The following PLCL2 variants were observed in gnomAD, a reference collection of about 807,000 sequenced individuals.
PLCL2 encodes phospholipase C like 2, also known as inactive phospholipase C-like protein 2.
PLCL2 carries 4 observed loss-of-function variants against 79.6 expected under a neutral mutation model. That is an observed-to-expected ratio of 0.05 (90% confidence interval 0.02 to 0.11). PLCL2 has a LOEUF of 0.11. PLCL2 is among the 10% of genes least tolerant of loss of function. The pLI, the probability that PLCL2 is intolerant of heterozygous loss-of-function variation, is 1.00. For missense variants in PLCL2, 895 were observed against 1,291.0 expected (o/e 0.69, Z 4.70); for synonymous variants, 484 against 457.7 (o/e 1.06, Z -0.73).
At chr3:17,048,982 A>G (rs1172183443) in intron 4 of PLCL2, among the ~76,000 whole-genome samples, 1 of 152,162 alleles carries the variant, frequency 6.6e-6, no homozygotes, top group Non-Finnish European at 1.5e-5. Context: ...GTTGACTGCT[A>G]TTTCAGGATA....
chr3:17,044,442 T>C (rs778761659), intron 4 of PLCL2, among the ~76,000 whole-genome samples: 10 of 152,250 alleles, frequency 6.6e-5, no homozygotes, highest in Non-Finnish European at 1.5e-4. Flanking sequence ...CCAGGATTTA[T>C]GTTACCTAAA....
chr3:16,914,353 T>A (rs1411676765), intron 1 of PLCL2, among the ~76,000 whole-genome samples: 2 of 152,238 alleles, frequency 1.3e-5, no homozygotes, highest in African/African-American at 2.4e-5. Context: ...TAATATGATC[T>A]AAGAGAAAGA....
chr3:16,894,248 C>T (rs1463984565), intron 1 of PLCL2, among the ~76,000 whole-genome samples: 6 of 152,040 alleles, frequency 3.9e-5, no homozygotes, highest in Non-Finnish European at 7.4e-5. Context: ...TCAATCCATG[C>T]TAATATATTA....
intron 4 of PLCL2, among the ~76,000 whole-genome samples, chr3:17,058,809 C>T (rs2064916979): frequency 6.6e-6 from 1 of 152,076 alleles, no homozygotes; most frequent in Non-Finnish European, 1.5e-5. Context: ...GAGGAGAACA[C>T]TGATCTTCTG....
chr3:16,942,375 A>G (rs1266049493), intron 1 of PLCL2, among the ~76,000 whole-genome samples: 1 of 152,184 alleles, frequency 6.6e-6, no homozygotes, highest in Non-Finnish European at 1.5e-5. Context: ...AGGATGGTGG[A>G]GGAAGGAAAG....
chr3:16,950,565 T>A (rs1320956294), intron 1 of PLCL2, among the ~76,000 whole-genome samples: 1 of 151,988 alleles, frequency 6.6e-6, no homozygotes, highest in Non-Finnish European at 1.5e-5. Context: ...AATATTTGTT[T>A]TATTTTGCTT....
At position 17,067,947 on chromosome 3, in the gene PLCL2, T is replaced by G; in HGVS notation, c.3095-9T>G. The G allele has an allele frequency of 6.5e-7, 1 of 1,544,530 alleles. No homozygotes were observed. ...AGTTAATATACTTTGTCTTTTTTAT[T>G]TCTTTCAGCCATGGAATTCCATGAA... On this transcript the variant is annotated splice_polypyrimidine_tract_variant and intron_variant, in intron 4 of 5. Coordinates refer to ENST00000615277, the MANE Select transcript of PLCL2 (RefSeq NM_001144382.2).
chr3:17,073,257 C>A (rs559881934), intron 5 of PLCL2, among the ~76,000 whole-genome samples: 2 of 152,178 alleles, frequency 1.3e-5, no homozygotes, highest in Non-Finnish European at 2.9e-5. Flanking sequence ...AAGTGAGTCA[C>A]ATGATTTTTT....
At chr3:17,067,920 G>A (rs1346743196) in intron 4 of PLCL2, 36 bp from the exon 5 acceptor site, 2 of 1,139,722 alleles carry the variant, frequency 1.8e-6, no homozygotes, top group South Asian at 2.7e-5. Context: ...AGATTGGATG[G>A]GAGTTAATAT....
intron 4 of PLCL2, among the ~76,000 whole-genome samples, chr3:17,061,877 A>G (rs547465859): frequency 3.5e-4 from 54 of 152,292 alleles, no homozygotes; most frequent in African/African-American, 1.3e-3. Context: ...CCAGAACTGA[A>G]TTAAACTCTC....
At chr3:17,048,554 C>T (rs1327854400) in intron 4 of PLCL2, among the ~76,000 whole-genome samples, 1 of 152,100 alleles carries the variant, frequency 6.6e-6, no homozygotes, top group Non-Finnish European at 1.5e-5. Context: ...CCATACATGA[C>T]GTCTTTCACA....
chr3:17,062,889 T>C (rs2064966083), intron 4 of PLCL2, among the ~76,000 whole-genome samples: 1 of 152,086 alleles, frequency 6.6e-6, no homozygotes, highest in Non-Finnish European at 1.5e-5. Context: ...CTTGTCACTA[T>C]CCCTAAGCAG....
At chr3:17,056,090 T>G (rs1253186741) in intron 4 of PLCL2, among the ~76,000 whole-genome samples, 1 of 152,140 alleles carries the variant, frequency 6.6e-6, no homozygotes, top group Non-Finnish European at 1.5e-5. Context: ...AAGCATCCCC[T>G]TGTATTTAAA....
In PLCL2 at chr3:17,012,234, G is replaced by T; in HGVS notation, c.2814+74G>T. ...CATGTCCATAGTTTATAAATATATTGGTTTTTTAATAATAGTATATTTAAG... is the reference window on the plus strand; with the variant it reads ...CATGTCCATAGTTTATAAATATATTTGTTTTTTAATAATAGTATATTTAAG... On this transcript the variant is annotated intron_variant, in intron 2 of 5. Coordinates refer to ENST00000615277, the MANE Select transcript of PLCL2 (RefSeq NM_001144382.2). The T allele has an allele frequency of 5.3e-6, 7 of 1,314,400 alleles. No individual in the cohort carries two copies. In the Admixed American group the frequency reaches 8.1e-5, roughly 15 times the overall value. 81.4% of individuals were successfully genotyped at this position (1,314,400 alleles called of 1,614,324 possible).
chr3:16,930,993 G>A (rs1463132099), intron 1 of PLCL2, among the ~76,000 whole-genome samples: 3 of 151,964 alleles, frequency 2.0e-5, no homozygotes, highest in African/African-American at 7.3e-5. Flanking sequence ...AGGTAGTAGG[G>A]TAGGATCCAT....
intron 1 of PLCL2, chr3:16,933,432 A>G (rs923304154): frequency 6.5e-6 from 1 of 153,750 alleles, no homozygotes; most frequent in African/African-American, 2.4e-5. Context: ...AATATGAAAT[A>G]TACTAACAAA....
chr3:17,049,040 C>A (rs1413172427), intron 4 of PLCL2, among the ~76,000 whole-genome samples: 1 of 151,874 alleles, frequency 6.6e-6, no homozygotes, highest in Admixed American at 6.6e-5. Flanking sequence ...AAAGAAAATT[C>A]ATGAAGCTAT....
At chr3:16,891,661 G>T (rs939967470) in intron 1 of PLCL2, among the ~76,000 whole-genome samples, 2 of 152,262 alleles carry the variant, frequency 1.3e-5, no homozygotes, top group East Asian at 1.9e-4. Flanking sequence ...GACAATCCAG[G>T]TTTACATCTT....
chr3:16,910,997 A>C (rs1696867294), intron 1 of PLCL2, among the ~76,000 whole-genome samples: 1 of 152,182 alleles, frequency 6.6e-6, no homozygotes, highest in Admixed American at 6.5e-5. Flanking sequence ...CTCACCCTGT[A>C]ATCCCAGCAC....
Sources: gnomAD v4.1 joint callset for allele counts (sites outside exome capture counted in the v4.1 genomes callset) on GRCh38, gnomAD v4.1.1 for gene constraint, MANE v1.5 for transcripts, NCBI Gene and HGNC (gene_info 2026-07-23, HGNC 2026-07-21) for gene names.